Variants in PTPN21 observed in about 807,000 individuals in gnomAD.
PTPN21 encodes the protein tyrosine-protein phosphatase non-receptor type 21.
Under a neutral mutation model 131.8 loss-of-function variants are expected in PTPN21, and 77 were observed. The ratio of observed to expected loss-of-function variants is 0.58; its 90% confidence interval spans 0.49 to 0.71. The LOEUF (loss-of-function observed/expected upper bound fraction) is 0.71. PTPN21 is among the 30% of genes least tolerant of loss of function. The pLI, the probability that PTPN21 is intolerant of heterozygous loss-of-function variation, is 0.00. For missense variants in PTPN21, 1,552 were observed against 1,527.1 expected (o/e 1.02, Z -0.27); for synonymous variants, 715 against 621.3 (o/e 1.15, Z -2.24).
chr14:88,474,148 A>C (rs1435837931), intron 13 of PTPN21, among the ~76,000 whole-genome samples: 3 of 136,354 alleles, frequency 2.2e-5, no homozygotes, highest in African/African-American at 7.1e-5. Flanking sequence ...AAAAAAAAAA[A>C]AAAAAAACAA....
intron 7 of PTPN21, 80 bp from the exon 8 acceptor site, chr14:88,500,951 C>G: frequency 9.8e-7 from 1 of 1,022,496 alleles, no homozygotes; most frequent in Non-Finnish European, 1.5e-6. Flanking sequence ...GGACTGGTTT[C>G]CCAGATGTAG....
chr14:88,486,295 A>G (rs915878937), intron 10 of PTPN21, among the ~76,000 whole-genome samples: 1 of 152,332 alleles, frequency 6.6e-6, no homozygotes, highest in East Asian at 1.9e-4. Flanking sequence ...GGGACCATCC[A>G]CTGTCAACCC....
At position 88,467,215 on chromosome 14, in the gene PTPN21, G is replaced by A. The variant is rs574955127; in HGVS notation, c.*922C>T. ...AATCTCTCCCAAAACGCTTCTCAGC[G>A]CCCATTGTTATTGTGTCATCTACAA... On this transcript the variant is annotated 3_prime_UTR_variant, in exon 19 of 19. Coordinates refer to ENST00000556564, the MANE Select transcript of PTPN21 (RefSeq NM_007039.4). The A allele has an allele frequency of 3.1e-4, 47 of 152,152 alleles. No individual in the cohort carries two copies. Among genetic ancestry groups the A allele is most frequent in the African/African-American group, 1.1e-3 (46 of 41,496 alleles). The allele number at this position is 152,152 out of a possible 1,614,324, so 9.4% of individuals were successfully genotyped here. A position where few individuals can be genotyped will look rare whatever the true frequency, so the allele number is the denominator to read the frequency against.
chr14:88,507,078 G>A (rs891930673), intron 4 of PTPN21, among the ~76,000 whole-genome samples: 6 of 151,594 alleles, frequency 4.0e-5, no homozygotes, highest in Admixed American at 4.0e-4. Context: ...TAAATAAGAA[G>A]AACTTATTCA....
chr14:88,479,875 T>G lies in PTPN21; in HGVS notation c.1556A>C (p.His519Pro). 9.5e-6 allele frequency: 15 copies of G among 1,580,828 alleles called. No individual in the cohort carries two copies. The highest frequency in any genetic ancestry group is 1.3e-5 in the Non-Finnish European group (15 of 1,167,346). Residue 519 changes from histidine to proline, a missense_variant, in exon 13 of 19, where the codon CAC (histidine) becomes CCC (proline). His to Pro is a moderately conservative substitution (Grantham distance 77). Transcript: ENST00000556564. ...AGGGTAGGGGTAGGGAGACGGGCTG[T>G]GGAAGCTGTAGCTCAGGCTGAACGG... ...HCPFSLSYSF[H>P]SPSPYPYPAE...
At position 88,543,309 on chromosome 14, in the gene PTPN21, C is replaced by A; in HGVS notation, c.180+6929G>T. ...AGTCCAGTGAGGAAGCTGACACTCCCTTGACACAGCAATCTTACATCAGGG... is the reference window on the plus strand; with the variant it reads ...AGTCCAGTGAGGAAGCTGACACTCCATTGACACAGCAATCTTACATCAGGG... On this transcript the variant is annotated intron_variant, in intron 2 of 18. Transcript: ENST00000556564. Among the ~76,000 whole-genome samples, 2 of 152,132 alleles carry A rather than the reference C, an allele frequency of 1.3e-5. 1 individual carries two copies. The highest frequency in any genetic ancestry group is 3.8e-4 in the East Asian group (2 of 5,196).
At chr14:88,470,424 A>G (rs2077443223) in intron 15 of PTPN21, 1 of 186,912 alleles carries the variant, frequency 5.4e-6, no homozygotes, top group Non-Finnish European at 1.1e-5. Context: ...GTTATTGCAG[A>G]CATGGTGCCT....
In PTPN21 at chr14:88,479,323, T is replaced by A. The variant is rs758180651; in HGVS notation, c.2108A>T (p.Asp703Val). 2.5e-6 allele frequency: 4 copies of A among 1,613,340 alleles called. No individual in the cohort carries two copies. The Admixed American group carries it at 6.7e-5, about 27-fold the overall frequency. The stretch of plus-strand genomic sequence containing the variant: ...GCTGCTGTGGATTAGCATGGTGGCG[T>A]CCGACAGGGACTTCTTATGGCCGTA... The part of the protein sequence containing the change: ...LRYGHKKSLS[D>V]ATMLIHSSEE... The change falls in exon 13 of 19, where the codon GAC becomes GTC. Residue 703 changes from aspartate to valine, a missense_variant. Asp to Val is a radical substitution (Grantham distance 152). Transcript: ENST00000556564.
chr14:88,496,405 A>T lies in PTPN21; in HGVS notation c.932+8T>A. On this transcript the variant is annotated splice_region_variant and intron_variant, in intron 10 of 18. Transcript: ENST00000556564. ...TTTTGATAATTTCCATGAGCAGGAC[A>T]TACTTACAGGTTACACTGGTTTAGT... 1 of 1,596,610 alleles carries T rather than the reference A, an allele frequency of 6.3e-7. No individual in the cohort carries two copies. Among genetic ancestry groups the T allele is most frequent in the Non-Finnish European group, 8.6e-7 (1 of 1,164,298 alleles).
intron 2 of PTPN21, among the ~76,000 whole-genome samples, chr14:88,536,126 T>C (rs1263185784): frequency 2.0e-5 from 3 of 152,212 alleles, no homozygotes; most frequent in Non-Finnish European, 1.5e-5. Flanking sequence ...CCAGCAGAAG[T>C]TGTTAAATCA....
intron 2 of PTPN21, among the ~76,000 whole-genome samples, chr14:88,540,704 C>G (rs2078693370): frequency 1.3e-5 from 2 of 152,114 alleles, no homozygotes. Context: ...GCTCTGCCAC[C>G]CAGGTTAGAG....
rs3783884 is a variant in PTPN21 at position 88,516,008 on chromosome 14, T to C, written c.350+1084A>G. Among the ~76,000 whole-genome samples the C allele has an allele frequency of 6.6e-5, 10 of 152,272 alleles. No homozygotes were observed. The East Asian group carries it at 1.9e-3, about 29-fold the overall frequency. ...TGACTTTCCATTCTCTCCTAATCAT[T>C]AACTGGCAGACTCAAACAGCACTCC... On this transcript the variant is annotated intron_variant, in intron 3 of 18. Transcript: ENST00000556564.
intron 2 of PTPN21, among the ~76,000 whole-genome samples, chr14:88,544,082 T>G (rs1054345248): frequency 2.0e-5 from 3 of 152,136 alleles, no homozygotes; most frequent in African/African-American, 7.2e-5. Flanking sequence ...CGGTGGCTCC[T>G]GCCTGCAATC....
Position 88,500,887 on chromosome 14 carries a change from A to G in PTPN21, c.676-16T>C, listed in dbSNP as rs781270600. On this transcript the variant is annotated splice_polypyrimidine_tract_variant and intron_variant, in intron 7 of 18. Transcript: ENST00000556564. ...CTTGGCTATCCTACAAGGAGAAAGCAGAAGAAGAAACACCCAGGAAGCAGA... is the reference window on the plus strand; with the variant it reads ...CTTGGCTATCCTACAAGGAGAAAGCGGAAGAAGAAACACCCAGGAAGCAGA... The G allele has an allele frequency of 1.3e-6, 2 of 1,583,536 alleles. No homozygotes were observed. The highest frequency in any genetic ancestry group is 1.1e-5 in the South Asian group (1 of 90,220).
chr14:88,504,529 A>G (rs374215867), intron 5 of PTPN21, 34 bp from the exon 6 acceptor site: 3 of 1,526,670 alleles, frequency 2.0e-6, no homozygotes, highest in East Asian at 2.3e-5. Context: ...GTATGTGACA[A>G]TTCACCCCAA....
At chr14:88,488,650 A>C (rs1031192461) in intron 10 of PTPN21, among the ~76,000 whole-genome samples, 1 of 152,110 alleles carries the variant, frequency 6.6e-6, no homozygotes, top group Non-Finnish European at 1.5e-5. Context: ...AGAAGACAAA[A>C]TAAAAATTAA....
chr14:88,544,689 T>C (rs2078751052), intron 2 of PTPN21, among the ~76,000 whole-genome samples: 1 of 152,154 alleles, frequency 6.6e-6, no homozygotes, highest in Admixed American at 6.5e-5. Context: ...ACCACTTTAC[T>C]AAGCAGCCAT....
intron 2 of PTPN21, among the ~76,000 whole-genome samples, chr14:88,527,330 T>C (rs1370342384): frequency 6.6e-6 from 1 of 152,182 alleles, no homozygotes; most frequent in African/African-American, 2.4e-5. Flanking sequence ...TATTCTTTGA[T>C]TTTTTTATTA....
At chr14:88,516,375 A>T (rs1367837552) in intron 3 of PTPN21, among the ~76,000 whole-genome samples, 1 of 152,138 alleles carries the variant, frequency 6.6e-6, no homozygotes, top group Admixed American at 6.5e-5. Context: ...GAAGTAGCAC[A>T]GCTACTTCAT....
Sources: gnomAD v4.1 joint callset for allele counts (sites outside exome capture counted in the v4.1 genomes callset) on GRCh38, gnomAD v4.1.1 for gene constraint, MANE v1.5 for transcripts, NCBI Gene and HGNC (gene_info 2026-07-23, HGNC 2026-07-21) for gene names.